The following ZNF184 variants were observed in gnomAD, a reference collection of about 807,000 sequenced individuals.
ZNF184 encodes the protein zinc finger protein 184 (Kruppel-like).
In ZNF184, 16 loss-of-function variants were observed where a neutral mutation model predicts 54.4. That is an observed-to-expected ratio of 0.29 (90% CI 0.20 to 0.45). The LOEUF (loss-of-function observed/expected upper bound fraction) is 0.45. Among genes scored for constraint, ZNF184 ranks in the 20% least tolerant of loss-of-function variants. ZNF184 has a pLI of 1.00. For synonymous variants in ZNF184, 254 were observed against 295.3 expected, an observed-to-expected ratio of 0.86 and a Z score of 1.43; for missense variants, 681 against 888.2, an observed-to-expected ratio of 0.77 and a Z score of 2.97.
the ZNF184 span, among the ~76,000 whole-genome samples, chr6:27,415,793 A>G: frequency 6.6e-6 from 1 of 152,186 alleles, no homozygotes; most frequent in Non-Finnish European, 1.5e-5. Context: ...GACCTCAGGC[A>G]AGTTATTTAA....
chr6:27,425,290 G>T, the ZNF184 span, among the ~76,000 whole-genome samples: 1 of 152,234 alleles, frequency 6.6e-6, no homozygotes, highest in East Asian at 1.9e-4. Flanking sequence ...GCAGTGGTGG[G>T]CTGAAGGGCT....
chr6:27,423,894 C>T, the ZNF184 span, among the ~76,000 whole-genome samples: 7 of 152,106 alleles, frequency 4.6e-5, no homozygotes, highest in Admixed American at 4.6e-4. Flanking sequence ...TCTTTGCAGG[C>T]TTTCTGTTTA....
At chr6:27,418,366 C>T in the ZNF184 span, among the ~76,000 whole-genome samples, 3 of 152,168 alleles carry the variant, frequency 2.0e-5, no homozygotes, top group African/African-American at 7.2e-5. Context: ...TCCTTGAGTT[C>T]CAGGGTTTTT....
At chr6:27,456,026 G>A (rs972585727) in intron 5 of ZNF184, among the ~76,000 whole-genome samples, 14 of 152,188 alleles carry the variant, frequency 9.2e-5, no homozygotes, top group Admixed American at 7.9e-4. Flanking sequence ...GAGACGCTGA[G>A]GCGGGTAGAT....
At chr6:27,414,006 A>C in the ZNF184 span, among the ~76,000 whole-genome samples, 1 of 152,190 alleles carries the variant, frequency 6.6e-6, no homozygotes, top group Non-Finnish European at 1.5e-5. Context: ...CTTGTTCACT[A>C]TGCATCTTCT....
At chr6:27,439,083 G>C in the ZNF184 span, among the ~76,000 whole-genome samples, 2 of 152,114 alleles carry the variant, frequency 1.3e-5, no homozygotes, top group African/African-American at 4.8e-5. Flanking sequence ...GCATCACCAA[G>C]AGCCTATTAG....
At chr6:27,458,056 T>C (rs1762905062) in intron 3 of ZNF184, among the ~76,000 whole-genome samples, 1 of 149,556 alleles carries the variant, frequency 6.7e-6, no homozygotes, top group South Asian at 2.1e-4. Flanking sequence ...AAAAAAAAAT[T>C]AAGGTGAGAT....
At chr6:27,431,977 G>A in the ZNF184 span, among the ~76,000 whole-genome samples, 2 of 152,286 alleles carry the variant, frequency 1.3e-5, no homozygotes, top group South Asian at 2.1e-4. Context: ...AAACTAGTCC[G>A]AAAATGTATT....
rs73741730 is a variant in ZNF184, at chr6:27,451,555, C to T, written c.2004G>A (p.Lys668=). The T allele has an allele frequency of 2.1e-3, 3,455 of 1,614,034 alleles. 68 individuals are homozygous for T. In the African/African-American group the frequency reaches 0.041, roughly 19 times the overall value. Residue 668 remains lysine (K), a synonymous_variant, in exon 6 of 6, where the codon AAG becomes AAA. Coordinates refer to ENST00000683788, the MANE Select transcript of ZNF184 (RefSeq NM_001318891.2). ...TGTCACATTCATTGCACTTATAGGG[C>T]TTCTCCCCAGTGTGAATTCGTTGAT... ...TQHQRIHTGE[K]PYKCNECDKA...
chr6:27,407,554 C>T, the ZNF184 span: 48 of 456,836 alleles, frequency 1.1e-4, no homozygotes, highest in South Asian at 8.8e-4. Context: ...GTCAGCAGGA[C>T]AATTATACCT....
At chr6:27,410,572 C>G in the ZNF184 span, among the ~76,000 whole-genome samples, 3 of 152,132 alleles carry the variant, frequency 2.0e-5, no homozygotes, top group East Asian at 3.9e-4. Context: ...TTCTCTGTCA[C>G]CCAGGCTGGA....
chr6:27,410,033 C>T, the ZNF184 span, among the ~76,000 whole-genome samples: 67 of 152,242 alleles, frequency 4.4e-4, no homozygotes, highest in Non-Finnish European at 5.0e-4. Flanking sequence ...AGTACAGTAA[C>T]GTGATGTACA....
At chr6:27,439,494 T>C in the ZNF184 span, among the ~76,000 whole-genome samples, 1 of 152,160 alleles carries the variant, frequency 6.6e-6, no homozygotes, top group Non-Finnish European at 1.5e-5. Context: ...TGATCCAGGA[T>C]CACCTGAAGC....
the ZNF184 span, among the ~76,000 whole-genome samples, chr6:27,431,311 A>G: frequency 5.3e-5 from 8 of 152,174 alleles, no homozygotes; most frequent in African/African-American, 1.7e-4. Flanking sequence ...TCAAGACAGG[A>G]TCTAGATACA....
the ZNF184 span, among the ~76,000 whole-genome samples, chr6:27,412,245 G>A: frequency 3.3e-5 from 5 of 152,152 alleles, no homozygotes; most frequent in Non-Finnish European, 7.3e-5. Flanking sequence ...AGGGCCACAC[G>A]GTTCCACAGT....
chr6:27,467,517 C>T (rs1763169821), intron 3 of ZNF184, among the ~76,000 whole-genome samples: 1 of 152,142 alleles, frequency 6.6e-6, no homozygotes, highest in Non-Finnish European at 1.5e-5. Context: ...ATTGCTTGAA[C>T]CCGGCAGGCG....
chr6:27,456,777 G>T, intron 5 of ZNF184, 49 bp downstream of exon 5: 1 of 1,486,368 alleles, frequency 6.7e-7, no homozygotes, highest in Non-Finnish European at 9.4e-7. Flanking sequence ...CTCTTATCAG[G>T]CTGACAGTCG....
At chr6:27,423,577 C>G in the ZNF184 span, among the ~76,000 whole-genome samples, 1 of 152,022 alleles carries the variant, frequency 6.6e-6, no homozygotes, top group African/African-American at 2.4e-5. Flanking sequence ...CCCTCCCTTT[C>G]TCTGTTCTCA....
chr6:27,429,468 GC>G, the ZNF184 span, among the ~76,000 whole-genome samples: 2 of 152,086 alleles, frequency 1.3e-5, no homozygotes, highest in African/African-American at 2.4e-5. Flanking sequence ...ATCTTTTGGT[GC>G]CCTGTGTTTG....
Sources: gnomAD v4.1 joint callset for allele counts (sites outside exome capture counted in the v4.1 genomes callset) on GRCh38, gnomAD v4.1.1 for gene constraint, MANE v1.5 for transcripts, NCBI Gene and HGNC (gene_info 2026-07-23, HGNC 2026-07-21) for gene names.